Variants in LTBP4 observed in about 807,000 individuals in gnomAD.
LTBP4 encodes latent-transforming growth factor beta-binding protein 4.
LTBP4 carries 93 observed loss-of-function variants against 180.2 expected under a neutral mutation model. That is an observed-to-expected ratio of 0.52 (90% CI 0.44 to 0.61). The LOEUF is 0.61. LTBP4 is among the 20% of genes least tolerant of loss of function. LTBP4 has a pLI of 0.00. For synonymous variants in LTBP4, 947 were observed against 934.5 expected (o/e 1.01, Z -0.24); for missense variants, 2,116 against 2,256.5 (o/e 0.94, Z 1.26).
rs2081482042 is a variant in LTBP4, at chr19:40,608,623, G to C, written c.1426+20G>C. On this transcript the variant is annotated intron_variant, in intron 9 of 29. Transcript: ENST00000396819. ...AATCAGGTTTGCTAGAAAGAACTGA[G>C]GGCATTGGGCCTGCAGCAGTGGCTC... The C allele has an allele frequency of 6.4e-7, 1 of 1,566,000 alleles. No homozygotes were observed. Among genetic ancestry groups the C allele is most frequent in the African/African-American group, 1.4e-5 (1 of 73,814 alleles).
chr19:40,604,653 G>A (rs2081446045), intron 1 of LTBP4, among the ~76,000 whole-genome samples: 2 of 152,162 alleles, frequency 1.3e-5, no homozygotes, highest in South Asian at 4.1e-4. Flanking sequence ...AGACCAGCCT[G>A]GCCAACATAG....
At chr19:40,616,815 G>A (rs2081552174) in intron 19 of LTBP4, 74 bp from the exon 20 acceptor site, 1 of 1,547,282 alleles carries the variant, frequency 6.5e-7, no homozygotes, top group Non-Finnish European at 8.8e-7. Context: ...TCTTAGTCTT[G>A]GGCACCGGAA....
At position 40,609,512 on chromosome 19, in the gene LTBP4, G is replaced by C; in HGVS notation, c.1427-18G>C. 3 of 1,609,134 alleles carry C rather than the reference G, an allele frequency of 1.9e-6. No individual in the cohort carries two copies. The highest frequency in any genetic ancestry group is 2.5e-6 in the Non-Finnish European group (3 of 1,176,704). On this transcript the variant is annotated intron_variant, in intron 9 of 29. Coordinates refer to ENST00000396819, the MANE Select transcript of LTBP4 (RefSeq NM_001042545.2). The surrounding 1 kb of genome is among the most constrained non-coding windows in gnomAD (Gnocchi z 4.9). ...AGGATTCAGAGATGGGGGAACCCTGGCTGACTGGACCCCCCAGGTCCCTCC... is the reference window on the plus strand; with the variant it reads ...AGGATTCAGAGATGGGGGAACCCTGCCTGACTGGACCCCCCAGGTCCCTCC...
rs1568414540 is a variant in LTBP4 at position 40,625,297 on chromosome 19, TATATATATATATATA to T, written c.3833-559_3833-545del. On this transcript the variant is annotated intron_variant, in intron 26 of 29. Coordinates refer to ENST00000396819, the MANE Select transcript of LTBP4 (RefSeq NM_001042545.2). ...ATATATATATATATATATATATATA[TATATATATATATATA>T]TATATTTTTTTTTTTAAAGATGGGT... Among the ~76,000 whole-genome samples, 31 of 20,536 alleles carry T rather than the reference TATATATATATATATA, an allele frequency of 1.5e-3. 5 individuals carry two copies. The highest frequency in any genetic ancestry group is 6.8e-3 in the African/African-American group (12 of 1,772). 13.5% of individuals were successfully genotyped at this position (20,536 alleles called of 152,430 possible).
chr19:40,615,214 G>GGT (rs1856139226), intron 19 of LTBP4: 1 of 143,910 alleles, frequency 6.9e-6, no homozygotes, highest in African/African-American at 2.6e-5. Context: ...GGGCGGTGAT[G>GGT]GTGTGTGAGT....
Position 40,614,428 on chromosome 19 carries a change from C to T in LTBP4, c.2794C>T (p.Pro932Ser), listed in dbSNP as rs1320245448. 3.8e-6 allele frequency: 6 copies of T among 1,599,170 alleles called. No homozygotes were observed. In the South Asian group the frequency reaches 6.6e-5, roughly 18 times the overall value. The change falls in exon 19 of 30, where the codon CCC becomes TCC. Residue 932 changes from proline to serine, a missense_variant. Pro to Ser is a moderately conservative substitution (Grantham distance 74). Coordinates refer to ENST00000396819, the MANE Select transcript of LTBP4 (RefSeq NM_001042545.2). ...CTGCGATCCTGGGTACCACGCGGGC[C>T]CCGAGGGCACCTGTGACGGTGAGCC... is the stretch of plus-strand genomic sequence containing the variant. ...RDCDPGYHAG[P>S]EGTCDDVDEC...
At chr19:40,610,956 C>A in intron 12 of LTBP4, 196 bp from the exon 13 acceptor site, 1 of 786,198 alleles carries the variant, frequency 1.3e-6, no homozygotes, top group Non-Finnish European at 2.0e-6. Flanking sequence ...AGGAGGCCTT[C>A]TCATGGGGAC....
At chr19:40,614,086 A>T in intron 18 of LTBP4, 48 bp downstream of exon 18, 1 of 1,595,954 alleles carries the variant, frequency 6.3e-7, no homozygotes, top group Non-Finnish European at 8.5e-7. Context: ...CGACTCCCCG[A>T]CTCGCCGATT....
intron 7 of LTBP4, among the ~76,000 whole-genome samples, chr19:40,607,936 G>A (rs1022820577): frequency 6.6e-5 from 10 of 152,092 alleles, no homozygotes; most frequent in African/African-American, 2.4e-4. Context: ...TCTCACAAGG[G>A]AGCTATTTCC....
At position 40,627,160 on chromosome 19, in the gene LTBP4, C is replaced by G. The variant is rs372391793; in HGVS notation, c.4171C>G (p.Pro1391Ala). 1.6e-5 allele frequency: 25 copies of G among 1,612,420 alleles called. No individual in the cohort carries two copies. The East Asian group carries it at 2.9e-4, about 19-fold the overall frequency. ...PYDPYPPPPGPFARREAPYGA... is the reference protein window; with the variant it reads ...PYDPYPPPPGAFARREAPYGA... ...CGACCCCTACCCACCGCCACCTGGG[C>G]CCTTCGCCCGCCGGGAGGCTCCTTA... The change falls in exon 28 of 30, where the codon CCC (proline) becomes GCC (alanine). Residue 1391 changes from proline to alanine, a missense_variant. Physicochemically the swap from Pro to Ala is conservative, Grantham distance 27. Transcript: ENST00000396819.
At chr19:40,617,472 C>T (rs1241182603) in intron 21 of LTBP4, among the ~76,000 whole-genome samples, 3 of 151,936 alleles carry the variant, frequency 2.0e-5, no homozygotes, top group Non-Finnish European at 4.4e-5. Flanking sequence ...GGTGAAACCC[C>T]GTCTCTACTA....
chr19:40,605,010 C>G lies in LTBP4; in HGVS notation c.251-25C>G. The G allele has an allele frequency of 6.3e-7, 1 of 1,592,658 alleles. No homozygotes were observed. Among genetic ancestry groups the G allele is most frequent in the South Asian group, 1.1e-5 (1 of 90,112 alleles). On this transcript the variant is annotated intron_variant, in intron 1 of 29. Transcript: ENST00000396819. This position sits in a 1 kb window ranked among gnomAD's most constrained non-coding sequence, Gnocchi z 5.5. ...GAACCTGCCAGGAATGGTGGCGCCC[C>G]TGAGTGTCCTCGTTCTCCTCCCAGT...
chr19:40,614,382 C>T lies in LTBP4; in HGVS notation c.2748C>T (p.Gly916=). The T allele has an allele frequency of 1.2e-6, 2 of 1,600,526 alleles. No homozygotes were observed. Among genetic ancestry groups the T allele is most frequent in the Non-Finnish European group, 8.5e-7 (1 of 1,179,796 alleles). The change falls in exon 19 of 30, where the codon GGC becomes GGT. Residue 916 remains glycine, a synonymous_variant. Coordinates refer to ENST00000396819, the MANE Select transcript of LTBP4 (RefSeq NM_001042545.2). ...CGCAGCGCTGTGAGAACTCTCCCGG[C>T]TCCTACCGCTGTGTCCGGGACTGCG... ...CGSQRCENSP[G]SYRCVRDCDP...
intron 21 of LTBP4, among the ~76,000 whole-genome samples, chr19:40,618,406 C>T (rs755213343): frequency 2.6e-5 from 4 of 152,052 alleles, no homozygotes; most frequent in Non-Finnish European, 5.9e-5. Context: ...ATTACAGGTG[C>T]CCACCACTAT....
At chr19:40,597,300 A>C (rs1441045743), upstream of LTBP4, 2 of 1,524,846 alleles carry the variant, frequency 1.3e-6, no homozygotes, top group African/African-American at 2.8e-5. Context: ...CGCTCTTCGC[A>C]GCCGCCACCT....
chr19:40,613,086 G>A lies in LTBP4; in HGVS notation c.2321G>A (p.Gly774Asp), dbSNP rs1236173707. The change falls in exon 16 of 30, where the codon GGT (glycine) becomes GAT (aspartate). Residue 774 changes from glycine (G) to aspartate (D), a missense_variant. Around this residue, in one of 5 missense-constraint regions of LTBP4, gnomAD observed 877 missense variants for 873.6 expected, o/e 1.00. Transcript: ENST00000396819. This position sits in a 1 kb window ranked among gnomAD's most constrained non-coding sequence, Gnocchi z 5.0. ...RCTDVDECSS[G>D]APPCGPHGHC... ...ACAGATGTGGACGAATGCAGTTCGG[G>A]TGCCCCTCCCTGTGGTCCCCACGGC... 2 of 1,611,770 alleles carry A rather than the reference G, an allele frequency of 1.2e-6. No homozygotes were observed. Among genetic ancestry groups the A allele is most frequent in the Non-Finnish European group, 8.5e-7 (1 of 1,178,998 alleles).
At position 40,627,168 on chromosome 19, in the gene LTBP4, C is replaced by T; in HGVS notation, c.4179C>T (p.Ala1393=). The part of the protein sequence containing the change: ...DPYPPPPGPF[A]RREAPYGAPR... ...ACCCACCGCCACCTGGGCCCTTCGC[C>T]CGCCGGGAGGCTCCTTATGGGGCAC... The change falls in exon 28 of 30, where the codon GCC becomes GCT. Residue 1393 remains alanine (A), a synonymous_variant. Transcript: ENST00000396819. 6.2e-7 allele frequency: 1 copy of T among 1,613,294 alleles called. No homozygotes were observed. The highest frequency in any genetic ancestry group is 8.5e-7 in the Non-Finnish European group (1 of 1,179,688).
intron 21 of LTBP4, 37 bp from the exon 22 acceptor site, chr19:40,619,310 C>T (rs2081570100): frequency 6.2e-7 from 1 of 1,600,074 alleles, no homozygotes; most frequent in Non-Finnish European, 8.5e-7. Context: ...AGCTTATAAC[C>T]ACTGAGTCCC....
rs199875504 is a variant in LTBP4 at position 40,608,501 on chromosome 19, C to T, written c.1324C>T (p.Arg442Cys). The change falls in exon 9 of 30, where the codon CGC (arginine) becomes TGC (cysteine). Residue 442 changes from arginine to cysteine, a missense_variant. Around this residue, in one of 5 missense-constraint regions of LTBP4, gnomAD observed 877 missense variants for 873.6 expected, o/e 1.00. Transcript: ENST00000396819. ...TTTATCAGGCTTTCTGCCCACCCAT[C>T]GCCTGGAGCCCCGGCCTGAACCCCG... The part of the protein sequence containing the change: ...RPSAGFLPTH[R>C]LEPRPEPRPD... 1,984 of 1,604,720 alleles carry T rather than the reference C, an allele frequency of 1.2e-3. 4 individuals are homozygous for T. The highest frequency in any genetic ancestry group is 1.6e-3 in the Non-Finnish European group (1,854 of 1,175,930).
Sources: gnomAD v4.1 joint callset for allele counts (sites outside exome capture counted in the v4.1 genomes callset) on GRCh38, gnomAD v4.1.1 for gene constraint, gnomAD v4.1.1 regional missense constraint, Gnocchi (gnomAD v3.1) non-coding constraint, MANE v1.5 for transcripts, NCBI Gene and HGNC (gene_info 2026-07-23, HGNC 2026-07-21) for gene names.